Variants in NCOA2 observed in about 807,000 individuals in gnomAD.
NCOA2 encodes nuclear receptor coactivator 2, also known as class E basic helix-loop-helix protein 75.
A neutral mutation model predicts 145.1 loss-of-function variants in NCOA2; 21 were observed. That is an observed-to-expected ratio of 0.14 (90% CI 0.10 to 0.21). NCOA2 has a LOEUF of 0.21. Ranked by LOEUF, NCOA2 falls within the 10% of genes least tolerant of loss-of-function variation. NCOA2 has a pLI of 1.00. For missense variants in NCOA2, 1,472 were observed against 1,837.6 expected, an observed-to-expected ratio of 0.80 and a Z score of 3.64; for synonymous variants, 619 against 637.5, an observed-to-expected ratio of 0.97 and a Z score of 0.44.
rs531052151 is a variant in NCOA2 at position 70,262,205 on chromosome 8, C to A, written c.-20+34539G>T. On this transcript the variant is annotated intron_variant, in intron 2 of 22. Coordinates refer to ENST00000452400, the MANE Select transcript of NCOA2 (RefSeq NM_006540.4). ...ACTTTATATATATCTCCTTTAACAA[C>A]ATCCCTATGAAGCAGATATTTATAG... Among the ~76,000 whole-genome samples, 11 of 152,248 alleles carry A rather than the reference C, an allele frequency of 7.2e-5. No homozygotes were observed. In the South Asian group the frequency reaches 2.1e-3, roughly 29 times the overall value.
chr8:70,262,879 A>G (rs1050687293), intron 2 of NCOA2, among the ~76,000 whole-genome samples: 9 of 152,156 alleles, frequency 5.9e-5, no homozygotes, highest in African/African-American at 2.2e-4. Flanking sequence ...AGATACCTAT[A>G]AAGTTTAACT....
At chr8:70,253,527 C>G (rs1823378581) in intron 2 of NCOA2, among the ~76,000 whole-genome samples, 1 of 151,996 alleles carries the variant, frequency 6.6e-6, no homozygotes, top group Non-Finnish European at 1.5e-5. Context: ...AATGATGAAA[C>G]TCTGAACTTA....
In NCOA2 at chr8:70,111,199, T is replaced by C. The variant is rs766540598; in HGVS notation, c.*2433A>G. ...TTACCAGTATCATGAAGTTGCGGATTTGTCTGAATTAGGATTGACATTAAA... is the reference window on the plus strand; with the variant it reads ...TTACCAGTATCATGAAGTTGCGGATCTGTCTGAATTAGGATTGACATTAAA... On this transcript the variant is annotated 3_prime_UTR_variant, in exon 23 of 23. Coordinates refer to ENST00000452400, the MANE Select transcript of NCOA2 (RefSeq NM_006540.4). 18 of 223,924 alleles carry C rather than the reference T, an allele frequency of 8.0e-5. No homozygotes were observed. The highest frequency in any genetic ancestry group is 1.4e-4 in the Non-Finnish European group (16 of 112,258). The allele number at this position is 223,924 out of a possible 1,614,324, so 13.9% of individuals were successfully genotyped here.
chr8:70,225,640 T>TG (rs1042137760), intron 2 of NCOA2, among the ~76,000 whole-genome samples: 6 of 151,398 alleles, frequency 4.0e-5, no homozygotes, highest in African/African-American at 1.5e-4. Context: ...ATAATGTAGA[T>TG]GGGGTGAGGG....
Position 70,110,137 on chromosome 8 carries a change from G to A in NCOA2, c.*3495C>T, listed in dbSNP as rs1182888584. The A allele has an allele frequency of 1.0e-5, 2 of 200,088 alleles. No individual in the cohort carries two copies. The highest frequency in any genetic ancestry group is 4.6e-5 in the African/African-American group (2 of 43,476). 12.4% of individuals were successfully genotyped at this position (200,088 alleles called of 1,614,324 possible). A position where few individuals can be genotyped will look rare whatever the true frequency, so the allele number is the denominator to read the frequency against. ...ACACATCTCAGATGCAACTTCATGAGGAACTGTACAAATAAAACTCACAAA... is the reference window on the plus strand; with the variant it reads ...ACACATCTCAGATGCAACTTCATGAAGAACTGTACAAATAAAACTCACAAA... On this transcript the variant is annotated 3_prime_UTR_variant, in exon 23 of 23. Coordinates refer to ENST00000452400, the MANE Select transcript of NCOA2 (RefSeq NM_006540.4).
At chr8:70,388,832 T>C (rs960628039) in intron 1 of NCOA2, among the ~76,000 whole-genome samples, 8 of 152,196 alleles carry the variant, frequency 5.3e-5, no homozygotes, top group African/African-American at 1.9e-4. Flanking sequence ...AGTAAAAGCC[T>C]AGAATTCTTT....
chr8:70,276,334 A>G (rs1825463999), intron 2 of NCOA2, among the ~76,000 whole-genome samples: 1 of 152,222 alleles, frequency 6.6e-6, no homozygotes, highest in African/African-American at 2.4e-5. Flanking sequence ...GGGGAAAAAA[A>G]GATTAACATT....
At chr8:70,346,730 T>G (rs1808688619) in intron 1 of NCOA2, among the ~76,000 whole-genome samples, 1 of 152,164 alleles carries the variant, frequency 6.6e-6, no homozygotes. Context: ...GAGTAGAAGT[T>G]AGAGAACCAA....
intron 1 of NCOA2, among the ~76,000 whole-genome samples, chr8:70,352,256 G>A (rs1308827655): frequency 3.3e-5 from 5 of 151,950 alleles, no homozygotes; most frequent in Admixed American, 1.3e-4. Context: ...CTATTATGTC[G>A]TCTTTTTTAA....
At chr8:70,325,206 T>A (rs1482330505) in intron 1 of NCOA2, among the ~76,000 whole-genome samples, 2 of 152,210 alleles carry the variant, frequency 1.3e-5, no homozygotes, top group Admixed American at 1.3e-4. Context: ...ACACAAATCT[T>A]CGTCTGGTTA....
chr8:70,148,991 C>A (rs1044884226), intron 11 of NCOA2, among the ~76,000 whole-genome samples: 1 of 149,650 alleles, frequency 6.7e-6, no homozygotes, highest in Non-Finnish European at 1.5e-5. Flanking sequence ...TTTTTTTAAT[C>A]TTTAAAAGAA....
chr8:70,415,625 G>T, the NCOA2 span, among the ~76,000 whole-genome samples: 2 of 152,142 alleles, frequency 1.3e-5, no homozygotes, highest in Non-Finnish European at 2.9e-5. Context: ...GGGTGACTGT[G>T]ACCAGAAAGG....
At chr8:70,241,756 C>T (rs1822156289) in intron 2 of NCOA2, among the ~76,000 whole-genome samples, 1 of 152,126 alleles carries the variant, frequency 6.6e-6, no homozygotes, top group African/African-American at 2.4e-5. Context: ...CTCCATGTCT[C>T]CATCTCCCAA....
At chr8:70,225,373 C>T (rs1031147821) in intron 2 of NCOA2, among the ~76,000 whole-genome samples, 1 of 151,764 alleles carries the variant, frequency 6.6e-6, no homozygotes, top group East Asian at 1.9e-4. Flanking sequence ...CATGGTGAAA[C>T]CCGCCTCTAC....
At position 70,275,429 on chromosome 8, in the gene NCOA2, G is replaced by A. The variant is rs561972455; in HGVS notation, c.-20+21315C>T. The stretch of plus-strand genomic sequence containing the variant: ...TAAATTTGAATTTTATTTTCAATAT[G>A]TGAAGGAAATTTAATATTTAAAAGG... On this transcript the variant is annotated intron_variant, in intron 2 of 22. Coordinates refer to ENST00000452400, the MANE Select transcript of NCOA2 (RefSeq NM_006540.4). Among the ~76,000 whole-genome samples the A allele has an allele frequency of 8.5e-5, 13 of 152,196 alleles. No individual in the cohort carries two copies. The South Asian group carries it at 1.2e-3, about 15-fold the overall frequency.
intron 2 of NCOA2, among the ~76,000 whole-genome samples, chr8:70,270,916 A>G (rs1260881573): frequency 6.6e-6 from 1 of 152,234 alleles, no homozygotes; most frequent in African/African-American, 2.4e-5. Context: ...TATTTTGAAC[A>G]CATACCTATG....
chr8:70,122,448 A>T (rs1292917705), intron 21 of NCOA2, among the ~76,000 whole-genome samples: 3 of 151,228 alleles, frequency 2.0e-5, no homozygotes, highest in Non-Finnish European at 4.4e-5. Context: ...TCAGAGACAG[A>T]GTCTTACTAT....
At chr8:70,243,171 C>A (rs1328403337) in intron 2 of NCOA2, among the ~76,000 whole-genome samples, 1 of 151,974 alleles carries the variant, frequency 6.6e-6, no homozygotes, top group East Asian at 1.9e-4. Context: ...AAAAACAAAA[C>A]CATCAGGAAT....
At chr8:70,288,181 A>G (rs1826383310) in intron 2 of NCOA2, among the ~76,000 whole-genome samples, 2 of 152,248 alleles carry the variant, frequency 1.3e-5, no homozygotes, top group Admixed American at 1.3e-4. Context: ...GGCACATGAT[A>G]AGCACAATAG....
Sources: allele counts gnomAD v4.1 joint callset (sites outside exome capture counted in the v4.1 genomes callset), GRCh38; gene constraint gnomAD v4.1.1; transcripts MANE v1.5; gene names NCBI Gene and HGNC (gene_info 2026-07-23, HGNC 2026-07-21).